The following NMT2 variants were observed in gnomAD, a reference collection of about 807,000 sequenced individuals.
NMT2 encodes the protein N-myristoyltransferase 2, also known as glycylpeptide N-tetradecanoyltransferase 2.
In NMT2, 35 loss-of-function variants were observed where a neutral mutation model predicts 65.4. The observed-to-expected ratio is 0.54, with a 90% CI of 0.41 to 0.71. The LOEUF (loss-of-function observed/expected upper bound fraction) is 0.71. Ranked by LOEUF, NMT2 falls within the 30% of genes least tolerant of loss-of-function variation. NMT2 has a pLI of 0.00. For missense variants in NMT2, 489 were observed against 611.3 expected (o/e 0.80, Z 2.11); for synonymous variants, 226 against 231.8 (o/e 0.98, Z 0.23).
chr10:15,126,641 AACTCAAT>A (rs1204462715), intron 8 of NMT2, among the ~76,000 whole-genome samples: 2 of 152,126 alleles, frequency 1.3e-5, no homozygotes, highest in Non-Finnish European at 2.9e-5. Context: ...GCCAGTGAGG[AACTCAAT>A]CCTGCCAACA....
chr10:15,122,737 T>C (rs1439990569), intron 8 of NMT2, among the ~76,000 whole-genome samples: 2 of 152,148 alleles, frequency 1.3e-5, no homozygotes, highest in African/African-American at 4.8e-5. Context: ...TAATAATGAT[T>C]GAGTACCTCC....
At chr10:15,136,458 G>C (rs1315331879) in intron 2 of NMT2, among the ~76,000 whole-genome samples, 1 of 148,592 alleles carries the variant, frequency 6.7e-6, no homozygotes, top group Admixed American at 6.8e-5. Flanking sequence ...GGAGGAGGGA[G>C]GGAGAGAGGG....
Position 15,160,554 on chromosome 10 carries a change from T to G in NMT2, c.110+7949A>C, listed in dbSNP as rs563916216. 1.7e-3 allele frequency among the ~76,000 whole-genome samples: 262 copies of G among 151,366 alleles called. 1 individual carries two copies. The highest frequency in any genetic ancestry group is 6.1e-3 in the African/African-American group (251 of 41,260). Reference sequence around the variant, plus strand: ...CTTTGGGAGGCTGAGGTGGGGAGATTCCTTGAGGTCAGGAGTTCGAGACCA... The same window carrying G: ...CTTTGGGAGGCTGAGGTGGGGAGATGCCTTGAGGTCAGGAGTTCGAGACCA... On this transcript the variant is annotated intron_variant, in intron 1 of 11. Coordinates refer to ENST00000378165, the MANE Select transcript of NMT2 (RefSeq NM_004808.3).
chr10:15,124,299 C>A (rs1478979145), intron 8 of NMT2, among the ~76,000 whole-genome samples: 2 of 152,132 alleles, frequency 1.3e-5, no homozygotes, highest in Non-Finnish European at 2.9e-5. Flanking sequence ...CTTGGGGAAA[C>A]CTTAGTATTT....
chr10:15,154,318 T>C (rs1397901122), intron 1 of NMT2, among the ~76,000 whole-genome samples: 3 of 152,200 alleles, frequency 2.0e-5, no homozygotes, highest in African/African-American at 7.2e-5. Context: ...AAATAAATAA[T>C]GGTACCCTGT....
chr10:15,114,559 C>G (rs1845683241), intron 9 of NMT2, among the ~76,000 whole-genome samples: 1 of 152,120 alleles, frequency 6.6e-6, no homozygotes, highest in Admixed American at 6.5e-5. Flanking sequence ...ACAAGTAATC[C>G]CTATTATTAC....
chr10:15,155,216 A>G (rs753660969), intron 1 of NMT2: 57 of 1,529,622 alleles, frequency 3.7e-5, no homozygotes, highest in Non-Finnish European at 4.7e-5. Context: ...TCAGAGCACG[A>G]AAGTTTTCTG....
chr10:15,139,114 G>A (rs1846628383), intron 2 of NMT2, among the ~76,000 whole-genome samples: 1 of 152,128 alleles, frequency 6.6e-6, no homozygotes, highest in African/African-American at 2.4e-5. Flanking sequence ...TCCCATACTG[G>A]ATGCTTCCTG....
intron 4 of NMT2, 45 bp from the exon 5 acceptor site, chr10:15,133,189 C>T (rs1164787311): frequency 1.2e-5 from 19 of 1,602,614 alleles, no homozygotes; most frequent in Non-Finnish European, 1.5e-5. Flanking sequence ...TCAGAATCAA[C>T]TTAGAAGCAA....
chr10:15,143,664 C>T (rs1846854601), intron 1 of NMT2, among the ~76,000 whole-genome samples: 3 of 152,174 alleles, frequency 2.0e-5, no homozygotes, highest in Admixed American at 2.0e-4. Context: ...TCTCTTGAGA[C>T]CAGCCTGAGC....
At chr10:15,124,620 A>G (rs775008790) in intron 8 of NMT2, among the ~76,000 whole-genome samples, 2 of 152,228 alleles carry the variant, frequency 1.3e-5, no homozygotes, top group South Asian at 2.1e-4. Context: ...GCTGTATTCC[A>G]TAAGTTTGCT....
intron 1 of NMT2, among the ~76,000 whole-genome samples, chr10:15,151,898 C>T (rs112223263): frequency 0.079 from 12,015 of 151,978 alleles, 1,228 homozygotes; most frequent in African/African-American, 0.24. Flanking sequence ...TGGTGGCACG[C>T]GCCTGTAATC....
chr10:15,118,375 C>T (rs923388526), intron 9 of NMT2, among the ~76,000 whole-genome samples: 4 of 152,156 alleles, frequency 2.6e-5, no homozygotes, highest in African/African-American at 9.7e-5. Flanking sequence ...CCCGACTCTA[C>T]TAAAAATACA....
At chr10:15,167,503 C>T (rs895612598) in intron 1 of NMT2, among the ~76,000 whole-genome samples, 5 of 152,198 alleles carry the variant, frequency 3.3e-5, no homozygotes, top group African/African-American at 9.6e-5. Context: ...CTCCATCACT[C>T]ACCATGGTTC....
chr10:15,109,766 A>T lies in NMT2; in HGVS notation c.1412T>A (p.Ile471Lys). 6.2e-7 allele frequency: 1 copy of T among 1,613,790 alleles called. No homozygotes were observed. The highest frequency in any genetic ancestry group is 8.5e-7 in the Non-Finnish European group (1 of 1,179,816). ...KTFLEKLKFG[I>K]GDGNLQYYLY... ...GTAATACTGCAAATTGCCATCTCCT[A>T]TACCAAACTTGAGTTTTTCCAAGAA... The change falls in exon 11 of 12, where the codon ATA (isoleucine) becomes AAA (lysine). Residue 471 changes from isoleucine to lysine, a missense_variant. By Grantham distance (102) the Ile-to-Lys change is moderately radical. Transcript: ENST00000378165.
chr10:15,155,280 C>A lies in NMT2; in HGVS notation c.110+13223G>T, dbSNP rs759330070. 22 of 1,407,002 alleles carry A rather than the reference C, an allele frequency of 1.6e-5. No individual in the cohort carries two copies. The African/African-American group carries it at 2.8e-4, about 18-fold the overall frequency. 87.2% of individuals were successfully genotyped at this position (1,407,002 alleles called of 1,614,324 possible). A position where few individuals can be genotyped will look rare whatever the true frequency, so the allele number is the denominator to read the frequency against. ...GAAGGAGACGTGCCCCAAGGCCTCG[C>A]TGTTGATGGCGATGTTGAAGAACAT... On this transcript the variant is annotated intron_variant, in intron 1 of 11. Transcript: ENST00000378165.
At position 15,128,429 on chromosome 10, in the gene NMT2, T is replaced by C. The variant is rs992495504; in HGVS notation, c.920A>G (p.Lys307Arg). 2.5e-6 allele frequency: 4 copies of C among 1,609,672 alleles called. No homozygotes were observed. The African/African-American group carries it at 5.3e-5, about 22-fold the overall frequency. Residue 307 changes from lysine (K) to arginine (R), a missense_variant, in exon 8 of 12, where the codon AAA (lysine) becomes AGA (arginine). Transcript: ENST00000378165. ...GTGAGAAAATTTCACTTCTACCAAT[T>C]TTCTGGGGTTTAGTGATCGATGCCA... is the stretch of plus-strand genomic sequence containing the variant. ...RYWHRSLNPR[K>R]LVEVKFSHLS...
chr10:15,145,202 A>G (rs1846921225), intron 1 of NMT2, among the ~76,000 whole-genome samples: 1 of 152,202 alleles, frequency 6.6e-6, no homozygotes, highest in Non-Finnish European at 1.5e-5. Flanking sequence ...TGACAAGCAA[A>G]TCCACAGAAA....
At chr10:15,133,200 T>C (rs1008063650) in intron 4 of NMT2, 45 bp downstream of exon 4, 1 of 1,596,920 alleles carries the variant, frequency 6.3e-7, no homozygotes. Context: ...TTAGAAGCAA[T>C]GTGTGAATGC....
Sources: gnomAD v4.1 joint callset for allele counts (sites outside exome capture counted in the v4.1 genomes callset) on GRCh38, gnomAD v4.1.1 for gene constraint, MANE v1.5 for transcripts, NCBI Gene and HGNC (gene_info 2026-07-23, HGNC 2026-07-21) for gene names.